The following LIPC variants were observed in gnomAD, a reference collection of about 807,000 sequenced individuals.
LIPC encodes the protein hepatic triacylglycerol lipase.
In LIPC, 44 loss-of-function variants were observed where a neutral mutation model predicts 50.7. That is an observed-to-expected ratio of 0.87 (90% CI 0.68 to 1.11). The LOEUF is 1.11. LIPC is among the 50% of genes most tolerant of loss of function. LIPC has a pLI of 0.00. For missense variants in LIPC, 697 were observed against 648.2 expected (o/e 1.08, Z -0.82); for synonymous variants, 271 against 256.4 (o/e 1.06, Z -0.54).
intron 1 of LIPC, among the ~76,000 whole-genome samples, chr15:58,463,054 G>T (rs1159262182): frequency 1.3e-5 from 2 of 152,196 alleles, no homozygotes; most frequent in African/African-American, 4.8e-5. Context: ...TCCCAGCGTG[G>T]ACTGCCCCTG....
chr15:58,554,700 G>C (rs1446223861), intron 6 of LIPC, among the ~76,000 whole-genome samples: 1 of 152,092 alleles, frequency 6.6e-6, no homozygotes, highest in Admixed American at 6.5e-5. Flanking sequence ...TTTGAGACCA[G>C]CCTGAGCAAC....
chr15:58,514,851 G>GC (rs1247866091), intron 1 of LIPC, among the ~76,000 whole-genome samples: 4 of 152,166 alleles, frequency 2.6e-5, no homozygotes, highest in Non-Finnish European at 5.9e-5. Flanking sequence ...AAATAAGGCT[G>GC]CATATCGGTT....
At chr15:58,464,317 G>T (rs1308432459) in intron 1 of LIPC, among the ~76,000 whole-genome samples, 7 of 152,192 alleles carry the variant, frequency 4.6e-5, no homozygotes, top group Middle Eastern at 3.2e-3. Context: ...AGTGCCGCCT[G>T]TGTGAACCAA....
chr15:58,561,405 G>T (rs1894157312), intron 7 of LIPC, among the ~76,000 whole-genome samples: 1 of 145,034 alleles, frequency 6.9e-6, no homozygotes. Flanking sequence ...TTTATCTAAA[G>T]ATCTAGAATC....
chr15:58,471,219 C>T (rs1894784421), intron 1 of LIPC, among the ~76,000 whole-genome samples: 1 of 149,208 alleles, frequency 6.7e-6, no homozygotes, highest in South Asian at 2.2e-4. Flanking sequence ...TCACTGCAAC[C>T]TCTACCTCCC....
At chr15:58,542,430 T>C in intron 3 of LIPC, 104 bp from the exon 4 acceptor site, 2 of 796,676 alleles carry the variant, frequency 2.5e-6, no homozygotes, top group Non-Finnish European at 2.3e-6. Flanking sequence ...ACCTCATTTC[T>C]GAGCAGGCAC....
At chr15:58,542,792 T>G in intron 4 of LIPC, 141 bp downstream of exon 4, 1 of 663,888 alleles carries the variant, frequency 1.5e-6, no homozygotes, top group Non-Finnish European at 2.8e-6. Flanking sequence ...ACTTGTGACA[T>G]TCTTTCAAAC....
At position 58,568,706 on chromosome 15, in the gene LIPC, T is replaced by G. The variant is rs763311095; in HGVS notation, c.1389-10T>G. 1 of 1,512,056 alleles carries G rather than the reference T, an allele frequency of 6.6e-7. No individual in the cohort carries two copies. Among genetic ancestry groups the G allele is most frequent in the Non-Finnish European group, 9.2e-7 (1 of 1,088,774 alleles). 93.7% of individuals were successfully genotyped at this position (1,512,056 alleles called of 1,614,324 possible). A position where few individuals can be genotyped will look rare whatever the true frequency, so the allele number is the denominator to read the frequency against. ...CTTAATGCTGTGTTTGCTTCCTGTT[T>G]TCTATTCAGAATGACATTTTGTTCA... On this transcript the variant is annotated splice_polypyrimidine_tract_variant and intron_variant, in intron 8 of 8. Transcript: ENST00000299022.
chr15:58,500,948 CT>C (rs1444519559), intron 1 of LIPC, among the ~76,000 whole-genome samples: 1 of 152,080 alleles, frequency 6.6e-6, no homozygotes, highest in Non-Finnish European at 1.5e-5. Flanking sequence ...TTCATTGATA[CT>C]TTTGGGGTGC....
At chr15:58,530,104 C>T (rs1450984477) in intron 1 of LIPC, among the ~76,000 whole-genome samples, 12 of 152,186 alleles carry the variant, frequency 7.9e-5, no homozygotes, top group Admixed American at 7.8e-4. Flanking sequence ...ATGAATTTTT[C>T]CTCAATAAGT....
chr15:58,455,828 C>CGT (rs1781734255), intron 1 of LIPC, among the ~76,000 whole-genome samples: 1 of 151,834 alleles, frequency 6.6e-6, no homozygotes, highest in Non-Finnish European at 1.5e-5. Context: ...TGCATGTATG[C>CGT]GTGTATATAT....
In LIPC at chr15:58,565,411, G is replaced by A; in HGVS notation, c.1388+1688G>A. On this transcript the variant is annotated intron_variant, in intron 8 of 8. Transcript: ENST00000299022. ...AAGCACAACACTACCTTCTCCACTG[G>A]GGCACACCCATGTGGTACGGAAGAA... The A allele has an allele frequency of 2.7e-6, 4 of 1,459,584 alleles. No homozygotes were observed. The South Asian group carries it at 5.6e-5, about 21-fold the overall frequency. 90.4% of individuals were successfully genotyped at this position (1,459,584 alleles called of 1,614,324 possible).
At chr15:58,453,243 T>G (rs989369370) in intron 1 of LIPC, among the ~76,000 whole-genome samples, 1 of 152,114 alleles carries the variant, frequency 6.6e-6, no homozygotes, top group Non-Finnish European at 1.5e-5. Flanking sequence ...TAAACTCCTA[T>G]GGATACAGGT....
chr15:58,560,762 C>T, intron 6 of LIPC, 102 bp from the exon 7 acceptor site: 2 of 681,574 alleles, frequency 2.9e-6, no homozygotes, highest in South Asian at 1.7e-5. Flanking sequence ...TCTATCCAAA[C>T]TCTTCCCTCT....
In LIPC at chr15:58,460,017, G is replaced by A. The variant is rs555899227; in HGVS notation, c.88+27897G>A. ...AACAACTCTCAAGGCTCACCCTGGA[G>A]GCCCAAAGGGAAGGCTGTATGGGTC... On this transcript the variant is annotated intron_variant, in intron 1 of 8. Coordinates refer to ENST00000299022, the MANE Select transcript of LIPC (RefSeq NM_000236.3). Among the ~76,000 whole-genome samples, 11 of 152,306 alleles carry A rather than the reference G, an allele frequency of 7.2e-5. No individual in the cohort carries two copies. In the East Asian group the frequency reaches 2.1e-3, roughly 29 times the overall value.
At chr15:58,471,328 T>TGGGGGGGG (rs5812938) in intron 1 of LIPC, among the ~76,000 whole-genome samples, 5 of 114,106 alleles carry the variant, frequency 4.4e-5, no homozygotes, top group Middle Eastern at 4.6e-3. Flanking sequence ...TTAGTAGAGA[T>TGGGGGGGG]GGGGGGGGGT....
chr15:58,460,331 G>A (rs374239435), intron 1 of LIPC, among the ~76,000 whole-genome samples: 5 of 152,366 alleles, frequency 3.3e-5, no homozygotes, highest in African/African-American at 1.2e-4. Context: ...AGCTCATGGT[G>A]AGAGGAAAGG....
At chr15:58,435,672 G>A (rs1390137210) in intron 1 of LIPC, 1 of 152,248 alleles carries the variant, frequency 6.6e-6, no homozygotes, top group Admixed American at 6.5e-5. Context: ...CACTTTGGGA[G>A]GCCGAGGTGG....
At chr15:58,529,361 C>T (rs1327433682) in intron 1 of LIPC, among the ~76,000 whole-genome samples, 2 of 152,188 alleles carry the variant, frequency 1.3e-5, no homozygotes, top group African/African-American at 4.8e-5. Flanking sequence ...TCTCCTAGTG[C>T]TACCTCTGGG....
Sources: allele counts gnomAD v4.1 joint callset (sites outside exome capture counted in the v4.1 genomes callset), GRCh38; gene constraint gnomAD v4.1.1; transcripts MANE v1.5; gene names NCBI Gene and HGNC (gene_info 2026-07-23, HGNC 2026-07-21).